The following KIF18B variants were observed in gnomAD, a reference collection of about 807,000 sequenced individuals.
KIF18B encodes the protein kinesin-like protein KIF18B.
A neutral mutation model predicts 80.9 loss-of-function variants in KIF18B; 49 were observed. That is an observed-to-expected ratio of 0.61 (90% CI 0.48 to 0.77). The LOEUF (loss-of-function observed/expected upper bound fraction) is 0.77, where lower values mean the gene tolerates loss of function less well. Among genes scored for constraint, KIF18B ranks in the 30% least tolerant of loss-of-function variants. The pLI is 0.00. For synonymous variants in KIF18B, 439 were observed against 463.9 expected (o/e 0.95, Z 0.69); for missense variants, 994 against 1,127.7 (o/e 0.88, Z 1.70).
At chr17:44,942,035 C>T (rs930360935) in intron 1 of KIF18B, among the ~76,000 whole-genome samples, 1 of 152,184 alleles carries the variant, frequency 6.6e-6, no homozygotes, top group Admixed American at 6.5e-5. Flanking sequence ...CCCTGTTCAG[C>T]ATCTGACCAA....
At position 44,943,369 on chromosome 17, in the gene KIF18B, G is replaced by A. The variant is rs549641118; in HGVS notation, c.-15+4259C>T. Among the ~76,000 whole-genome samples the A allele has an allele frequency of 1.6e-4, 24 of 152,158 alleles. No individual in the cohort carries two copies. The East Asian group carries it at 4.6e-3, about 29-fold the overall frequency. ...CCCGCCTCGGCCTCCCAAAGTGCTG[G>A]GATTACAGGTGTGAGCCACCGCGCC... On this transcript the variant is annotated intron_variant, in intron 1 of 15. Transcript: ENST00000593135.
intron 10 of KIF18B, 49 bp downstream of exon 10, chr17:44,932,007 C>T (rs2052161012): frequency 6.4e-7 from 1 of 1,556,198 alleles, no homozygotes; most frequent in Non-Finnish European, 8.7e-7. Flanking sequence ...CAATATCCCA[C>T]CAGCTCCAAG....
In KIF18B at chr17:44,934,561, C is replaced by A. The variant is rs375536011; in HGVS notation, c.633G>T (p.Thr211=). The change falls in exon 5 of 16, where the codon ACG becomes ACT. Residue 211 remains threonine (T), a synonymous_variant. Transcript: ENST00000593135. This position sits in a 1 kb window ranked among gnomAD's most constrained non-coding sequence, Gnocchi z 5.4. ...TCGCGTTGGCATCAGTGGGGTGCTG[C>A]GTGCGGTTACGGTTCCCCCTGGTCA... ...EILTRGNRNR[T]QHPTDANATS... is the part of the protein sequence containing the mutation. 3.1e-6 allele frequency: 5 copies of A among 1,612,752 alleles called. No individual in the cohort carries two copies. The South Asian group carries it at 4.4e-5, about 14-fold the overall frequency.
At chr17:44,935,073 A>G (rs2052252640) in intron 3 of KIF18B, 138 bp from the exon 4 acceptor site, 4 of 875,066 alleles carry the variant, frequency 4.6e-6, no homozygotes, top group Non-Finnish European at 6.9e-6. Flanking sequence ...ACTGTGTTAC[A>G]TGACCACAGC....
intron 7 of KIF18B, 47 bp from the exon 8 acceptor site, chr17:44,933,033 CT>C: frequency 1.3e-6 from 2 of 1,556,388 alleles, no homozygotes; most frequent in Non-Finnish European, 1.8e-6. Context: ...TTCAAAGCAG[CT>C]TTTATCAGCC....
chr17:44,939,946 G>A (rs886439680), intron 1 of KIF18B, among the ~76,000 whole-genome samples: 1 of 152,184 alleles, frequency 6.6e-6, no homozygotes, highest in African/African-American at 2.4e-5. Context: ...TGGGATTACA[G>A]GCGTGTGCCA....
Position 44,928,594 on chromosome 17 carries a change from G to C in KIF18B, c.1724-16C>G. 1 of 1,446,192 alleles carries C rather than the reference G, an allele frequency of 6.9e-7. No homozygotes were observed. Among genetic ancestry groups the C allele is most frequent in the Non-Finnish European group, 9.0e-7 (1 of 1,106,504 alleles). 89.6% of individuals were successfully genotyped at this position (1,446,192 alleles called of 1,614,324 possible). On this transcript the variant is annotated splice_polypyrimidine_tract_variant and intron_variant, in intron 12 of 15. Transcript: ENST00000593135. ...GGCACAGGGACTGCACAGAAGGAAGGAGAGTTTGTAGAACTTGGGGAGCCA... is the reference window on the plus strand; with the variant it reads ...GGCACAGGGACTGCACAGAAGGAAGCAGAGTTTGTAGAACTTGGGGAGCCA...
At chr17:44,936,864 G>A (rs1188639479) in intron 1 of KIF18B, among the ~76,000 whole-genome samples, 3 of 150,450 alleles carry the variant, frequency 2.0e-5, no homozygotes, top group East Asian at 1.9e-4. Flanking sequence ...GGCTGGTCTC[G>A]AACTCCTGAC....
rs753492545 is a variant in KIF18B, at chr17:44,932,123, G to C, written c.1322C>G (p.Ala441Gly). The change falls in exon 10 of 16, where the codon GCC becomes GGC. Residue 441 changes from alanine to glycine, a missense_variant. Coordinates refer to ENST00000593135, the MANE Select transcript of KIF18B (RefSeq NM_001265577.2). Reference protein sequence around the residue: ...SLGMEAQVERAMEGNSSDQEQ... With the variant: ...SLGMEAQVERGMEGNSSDQEQ... The stretch of plus-strand genomic sequence containing the variant: ...CTGGTCTGAAGAGTTCCCTTCCATG[G>C]CCCTCTCCACCTGGGCCTCCATCCC... The C allele has an allele frequency of 1.1e-5, 18 of 1,613,752 alleles. No individual in the cohort carries two copies. The highest frequency in any genetic ancestry group is 1.1e-5 in the Non-Finnish European group (13 of 1,179,840).
chr17:44,928,357 G>C lies in KIF18B; in HGVS notation c.1945C>G (p.Arg649Gly). The change falls in exon 13 of 16, where the codon CGC (arginine) becomes GGC (glycine). Residue 649 changes from arginine to glycine, a missense_variant. Physicochemically the swap from Arg to Gly is moderately radical, Grantham distance 125. Transcript: ENST00000593135. ...SPMAPKRGTK[R>G]QRQSFLPCLR... ...CAGGGCAGGAAGGACTGGCGCTGGC[G>C]CTTGGTGCCCCGCTTTGGGGCCATG... 6.2e-7 allele frequency: 1 copy of C among 1,601,002 alleles called. No homozygotes were observed. Among genetic ancestry groups the C allele is most frequent in the South Asian group, 1.1e-5 (1 of 89,322 alleles).
chr17:44,941,180 C>T (rs955634295), intron 1 of KIF18B, among the ~76,000 whole-genome samples: 5 of 152,078 alleles, frequency 3.3e-5, no homozygotes, highest in African/African-American at 9.7e-5. Context: ...GACTACACAT[C>T]GGGCTATACT....
At chr17:44,938,167 C>T (rs115638264) in intron 1 of KIF18B, among the ~76,000 whole-genome samples, 10,104 of 152,192 alleles carry the variant, frequency 0.066, 342 homozygotes, top group Middle Eastern at 0.18. Context: ...AGGTGCCCGC[C>T]GGTGCGCCCA....
intron 14 of KIF18B, 56 bp from the exon 15 acceptor site, chr17:44,926,555 G>A: frequency 6.8e-7 from 1 of 1,475,330 alleles, no homozygotes; most frequent in Non-Finnish European, 9.0e-7. Context: ...TGGACTATGG[G>A]TGTGCATTGA....
In KIF18B at chr17:44,925,114, GAA is replaced by G. The variant is rs2051998252; in HGVS notation, c.*964_*965del. The G allele has an allele frequency of 6.6e-6, 1 of 152,172 alleles. No homozygotes were observed. Among genetic ancestry groups the G allele is most frequent in the South Asian group, 2.1e-4 (1 of 4,838 alleles). 9.4% of individuals were successfully genotyped at this position (152,172 alleles called of 1,614,324 possible). A position where few individuals can be genotyped will look rare whatever the true frequency, so the allele number is the denominator to read the frequency against. On this transcript the variant is annotated 3_prime_UTR_variant, in exon 16 of 16. Coordinates refer to ENST00000593135, the MANE Select transcript of KIF18B (RefSeq NM_001265577.2). The stretch of plus-strand genomic sequence containing the variant: ...GGGGCCTGTGTTAGAGACAGGTGGG[GAA>G]AAGAGCCCAAGAGCCGTCTGCCTGC...
chr17:44,939,326 G>A (rs1481064095), intron 1 of KIF18B, among the ~76,000 whole-genome samples: 3 of 117,654 alleles, frequency 2.5e-5, no homozygotes, highest in African/African-American at 3.4e-5. Flanking sequence ...AGCTGAGATC[G>A]CACCATTGTA....
intron 11 of KIF18B, 122 bp from the exon 12 acceptor site, chr17:44,929,146 C>T (rs2052095754): frequency 1.2e-6 from 1 of 821,142 alleles, no homozygotes; most frequent in Non-Finnish European, 2.0e-6. Flanking sequence ...GGTCCCCTGG[C>T]TCCCTCCTGC....
chr17:44,928,530 G>A lies in KIF18B; in HGVS notation c.1772C>T (p.Pro591Leu), dbSNP rs1237785923. 2.0e-6 allele frequency: 3 copies of A among 1,472,616 alleles called. No individual in the cohort carries two copies. In the East Asian group the frequency reaches 7.4e-5, roughly 36 times the overall value. 91.2% of individuals were successfully genotyped at this position (1,472,616 alleles called of 1,614,324 possible). A position where few individuals can be genotyped will look rare whatever the true frequency, so the allele number is the denominator to read the frequency against. ...TCGCCTCGCCATAGTCCGGGTCACA[G>A]GGCCAGTGTATCCTGGAGGCTCTGG... ...LCPEPPGYTGPVTRTMARRLS... is the reference protein window; with the variant it reads ...LCPEPPGYTGLVTRTMARRLS... Residue 591 changes from proline (P) to leucine (L), a missense_variant, in exon 13 of 16, where the codon CCT (proline) becomes CTT (leucine). Physicochemically the swap from Pro to Leu is moderately conservative, Grantham distance 98. Coordinates refer to ENST00000593135, the MANE Select transcript of KIF18B (RefSeq NM_001265577.2).
chr17:44,939,240 G>A (rs1381787485), intron 1 of KIF18B, among the ~76,000 whole-genome samples: 2 of 149,604 alleles, frequency 1.3e-5, no homozygotes, highest in South Asian at 2.1e-4. Flanking sequence ...GCACGGTGGC[G>A]GGCGCCTGTA....
chr17:44,926,545 T>C, intron 14 of KIF18B, 46 bp from the exon 15 acceptor site: 2 of 1,512,710 alleles, frequency 1.3e-6, no homozygotes, highest in East Asian at 2.4e-5. Context: ...GCCCTGTCTC[T>C]GGACTATGGG....
Sources: gnomAD v4.1 joint callset for allele counts (sites outside exome capture counted in the v4.1 genomes callset) on GRCh38, gnomAD v4.1.1 for gene constraint, Gnocchi (gnomAD v3.1) non-coding constraint, MANE v1.5 for transcripts, NCBI Gene and HGNC (gene_info 2026-07-23, HGNC 2026-07-21) for gene names.